Variants in ZBTB10 observed in about 807,000 individuals in gnomAD.
ZBTB10 encodes zinc finger and BTB domain-containing protein 10.
In ZBTB10, 32 loss-of-function variants were observed where a neutral mutation model predicts 76.4. The ratio of observed to expected loss-of-function variants is 0.42; its 90% confidence interval spans 0.32 to 0.56. The LOEUF (loss-of-function observed/expected upper bound fraction) is 0.56, where lower values mean the gene tolerates loss of function less well. Ranked by LOEUF, ZBTB10 falls within the 20% of genes least tolerant of loss-of-function variation. The pLI, the probability that ZBTB10 is intolerant of heterozygous loss-of-function variation, is 0.14. For missense variants in ZBTB10, 1,057 were observed against 1,098.5 expected (o/e 0.96, Z 0.53); for synonymous variants, 523 against 432.9 (o/e 1.21, Z -2.58).
Position 80,486,568 on chromosome 8 carries a change from G to C in ZBTB10, c.-243G>C. The C allele has an allele frequency of 1.0e-6, 1 of 986,694 alleles. No individual in the cohort carries two copies. The highest frequency in any genetic ancestry group is 1.2e-6 in the Non-Finnish European group (1 of 831,000). 61.1% of individuals were successfully genotyped at this position (986,694 alleles called of 1,614,324 possible). The stretch of plus-strand genomic sequence containing the variant: ...CTGCCCGGAGCGCGGCGGGGCGGGG[G>C]TGGAGGACGAGAGAGCGGTCGGAGG... On this transcript the variant is annotated 5_prime_UTR_variant, in exon 1 of 6. Coordinates refer to ENST00000455036, the MANE Select transcript of ZBTB10 (RefSeq NM_001105539.3).
intron 1 of ZBTB10, 47 bp from the exon 2 acceptor site, chr8:80,499,446 TA>T (rs747325087): frequency 4.0e-6 from 6 of 1,493,858 alleles, no homozygotes; most frequent in Admixed American, 2.3e-5. Context: ...TGGGAGTTTT[TA>T]AAAAAGTCAA....
chr8:80,513,412 G>A (rs576144057), intron 2 of ZBTB10, among the ~76,000 whole-genome samples: 2 of 152,186 alleles, frequency 1.3e-5, no homozygotes, highest in African/African-American at 4.8e-5. Flanking sequence ...TAAAGTGCTG[G>A]GATTATAGGC....
chr8:80,485,998 C>T, upstream of ZBTB10: 1 of 1,145,848 alleles, frequency 8.7e-7, no homozygotes, highest in South Asian at 1.6e-5. Flanking sequence ...CCCCAGCCCG[C>T]CGCCCGGCCT....
chr8:80,499,605 A>G lies in ZBTB10; in HGVS notation c.1084A>G (p.Ile362Val), dbSNP rs1815871166. Reference protein sequence around the residue: ...RQLNEQRKKGILCDVSIVVSG... With the variant: ...RQLNEQRKKGVLCDVSIVVSG... ...ACTAAATGAACAGAGAAAGAAAGGT[A>G]TTCTTTGTGATGTCAGCATTGTGGT... is the stretch of plus-strand genomic sequence containing the variant. Residue 362 changes from isoleucine to valine, a missense_variant, in exon 2 of 6, where the codon ATT becomes GTT. Physicochemically the swap from Ile to Val is conservative, Grantham distance 29 (BLOSUM62 3). This residue lies in a region of ZBTB10 where 86 missense variants were observed against 145.7 expected (regional missense o/e 0.59). Transcript: ENST00000455036. 7 of 1,613,980 alleles carry G rather than the reference A, an allele frequency of 4.3e-6. No homozygotes were observed. Among genetic ancestry groups the G allele is most frequent in the Non-Finnish European group, 5.9e-6 (7 of 1,179,858 alleles).
At chr8:80,506,171 A>G (rs1816047232) in intron 2 of ZBTB10, among the ~76,000 whole-genome samples, 1 of 152,126 alleles carries the variant, frequency 6.6e-6, no homozygotes, top group South Asian at 2.1e-4. Flanking sequence ...CTAATGGGAA[A>G]GAAGTAAAAT....
At chr8:80,517,538 G>A (rs915361507) in intron 3 of ZBTB10, among the ~76,000 whole-genome samples, 3 of 152,166 alleles carry the variant, frequency 2.0e-5, no homozygotes, top group Non-Finnish European at 4.4e-5. Context: ...AGGGAACCCT[G>A]AGAGCATTCA....
chr8:80,493,291 G>T (rs1017634097), intron 1 of ZBTB10, among the ~76,000 whole-genome samples: 6 of 151,640 alleles, frequency 4.0e-5, no homozygotes, highest in South Asian at 2.1e-4. Flanking sequence ...GGAGAGTTTG[G>T]TTGCTGTGCA....
chr8:80,498,034 G>A (rs754131851), intron 1 of ZBTB10, among the ~76,000 whole-genome samples: 7 of 152,080 alleles, frequency 4.6e-5, no homozygotes, highest in Non-Finnish European at 1.0e-4. Context: ...TTTTTAGATG[G>A]ACTGGGTTAG....
At position 80,487,837 on chromosome 8, in the gene ZBTB10, G is replaced by A. The variant is rs1815519052; in HGVS notation, c.972+55G>A. 1.9e-5 allele frequency: 28 copies of A among 1,501,756 alleles called. 1 individual carries two copies. In the South Asian group the frequency reaches 3.2e-4, roughly 17 times the overall value. 93.0% of individuals were successfully genotyped at this position (1,501,756 alleles called of 1,614,324 possible). A position where few individuals can be genotyped will look rare whatever the true frequency, so the allele number is the denominator to read the frequency against. On this transcript the variant is annotated intron_variant, in intron 1 of 5. Transcript: ENST00000455036. ...AGATCTTTTAGGGAAAGGTTTATCA[G>A]CACTCCCTTCACCCCCACCCACCCC...
chr8:80,495,107 G>T lies in ZBTB10; in HGVS notation c.973-4387G>T, dbSNP rs774910339. Among the ~76,000 whole-genome samples, 83 of 151,446 alleles carry T rather than the reference G, an allele frequency of 5.5e-4. 1 individual carries two copies. Among genetic ancestry groups the T allele is most frequent in the South Asian group, 1.9e-3 (9 of 4,794 alleles). On this transcript the variant is annotated intron_variant, in intron 1 of 5. Transcript: ENST00000455036. ...TAGCAATGGTTCTAATATTTGGGAGGGAGAAGGGGATTCAAATCTCTCTCT... is the reference window on the plus strand; with the variant it reads ...TAGCAATGGTTCTAATATTTGGGAGTGAGAAGGGGATTCAAATCTCTCTCT...
At position 80,487,523 on chromosome 8, in the gene ZBTB10, G is replaced by A; in HGVS notation, c.713G>A (p.Arg238Gln). 1 of 1,572,404 alleles carries A rather than the reference G, an allele frequency of 6.4e-7. No homozygotes were observed. Among genetic ancestry groups the A allele is most frequent in the Non-Finnish European group, 8.6e-7 (1 of 1,158,734 alleles). Residue 238 changes from arginine to glutamine, a missense_variant, in exon 1 of 6, where the codon CGG becomes CAG. Around this residue, in one of 5 missense-constraint regions of ZBTB10, gnomAD observed 556 missense variants for 451.7 expected, o/e 1.23. Coordinates refer to ENST00000455036, the MANE Select transcript of ZBTB10 (RefSeq NM_001105539.3). Reference sequence around the variant, plus strand: ...ACTGTCCAGCACTTCCCGCTCGCGCGGCCCAAGTCTCTAATGCAGAAGCTC... The same window carrying A: ...ACTGTCCAGCACTTCCCGCTCGCGCAGCCCAAGTCTCTAATGCAGAAGCTC... Reference protein sequence around the residue: ...GETVQHFPLARPKSLMQKLQC... With the variant: ...GETVQHFPLAQPKSLMQKLQC...
At position 80,525,393 on chromosome 8, in the gene ZBTB10, T is replaced by G. The variant is rs1330420033; in HGVS notation, c.*5865T>G. ...TACTGCCGCCTTACTGTCAGCCAGA[T>G]GATTTTTTCCCACCACGGCCAGTCT... On this transcript the variant is annotated 3_prime_UTR_variant, in exon 6 of 6. Coordinates refer to ENST00000455036, the MANE Select transcript of ZBTB10 (RefSeq NM_001105539.3). The G allele has an allele frequency of 6.6e-6, 1 of 152,186 alleles. No homozygotes were observed. The highest frequency in any genetic ancestry group is 2.4e-5 in the African/African-American group (1 of 41,462). 9.4% of individuals were successfully genotyped at this position (152,186 alleles called of 1,614,324 possible). A position where few individuals can be genotyped will look rare whatever the true frequency, so the allele number is the denominator to read the frequency against.
chr8:80,502,402 A>AT lies in ZBTB10; in HGVS notation c.1861+2027dup, dbSNP rs111867359. ...AGGCACATGCCACCACACCTGGCTA[A>AT]TTTTTTTATTATTACTAGAGACGGG... On this transcript the variant is annotated intron_variant, in intron 2 of 5. Transcript: ENST00000455036. Among the ~76,000 whole-genome samples the AT allele has an allele frequency of 1.1e-3, 167 of 152,078 alleles. 2 individuals are homozygous for AT. The South Asian group carries it at 0.014, about 13-fold the overall frequency.
intron 3 of ZBTB10, among the ~76,000 whole-genome samples, chr8:80,514,793 C>CA (rs1816286304): frequency 6.6e-6 from 1 of 152,202 alleles, no homozygotes; most frequent in African/African-American, 2.4e-5. Context: ...AAAAAGAGCA[C>CA]AAACCAAAAT....
chr8:80,514,186 G>A (rs183907097), intron 3 of ZBTB10, among the ~76,000 whole-genome samples, 178 bp downstream of exon 3: 10 of 152,170 alleles, frequency 6.6e-5, no homozygotes, highest in East Asian at 5.8e-4. Flanking sequence ...TGATGTTTCC[G>A]GTTTTGTATG....
At chr8:80,504,548 A>G (rs979125606) in intron 2 of ZBTB10, among the ~76,000 whole-genome samples, 2 of 152,052 alleles carry the variant, frequency 1.3e-5, no homozygotes, top group Non-Finnish European at 2.9e-5. Flanking sequence ...GACTCACTAC[A>G]GAGTCATATT....
At position 80,487,697 on chromosome 8, in the gene ZBTB10, C is replaced by T. The variant is rs764139896; in HGVS notation, c.887C>T (p.Ser296Leu). 1.9e-6 allele frequency: 3 copies of T among 1,613,900 alleles called. No individual in the cohort carries two copies. The highest frequency in any genetic ancestry group is 2.7e-5 in the African/African-American group (2 of 75,036). ...DLPPVGHDELSRGTRNYKKTL... is the reference protein window; with the variant it reads ...DLPPVGHDELLRGTRNYKKTL... ...CCCCCAGTGGGGCATGATGAGCTTTCGCGAGGGACCCGCAACTACAAGAAA... is the reference window on the plus strand; with the variant it reads ...CCCCCAGTGGGGCATGATGAGCTTTTGCGAGGGACCCGCAACTACAAGAAA... Residue 296 changes from serine (S) to leucine (L), a missense_variant, in exon 1 of 6, where the codon TCG becomes TTG. Coordinates refer to ENST00000455036, the MANE Select transcript of ZBTB10 (RefSeq NM_001105539.3).
intron 2 of ZBTB10, among the ~76,000 whole-genome samples, chr8:80,509,254 G>A (rs1005582365): frequency 1.3e-5 from 2 of 152,186 alleles, no homozygotes; most frequent in African/African-American, 2.4e-5. Context: ...AACTGTCACC[G>A]TAAGAGAAAC....
rs1459416100 is a variant in ZBTB10, at chr8:80,487,479, G to A, written c.669G>A (p.Val223=). 3.2e-6 allele frequency: 5 copies of A among 1,552,526 alleles called. No homozygotes were observed. Among genetic ancestry groups the A allele is most frequent in the Non-Finnish European group, 3.5e-6 (4 of 1,147,474 alleles). The part of the protein sequence containing the change: ...DGGDEVEGSG[V]GAGEGETVQH... ...GGGACGAAGTGGAGGGCAGCGGTGTGGGAGCTGGCGAAGGAGAGACTGTCC... is the reference window on the plus strand; with the variant it reads ...GGGACGAAGTGGAGGGCAGCGGTGTAGGAGCTGGCGAAGGAGAGACTGTCC... The change falls in exon 1 of 6, where the codon GTG becomes GTA. Residue 223 remains valine, a synonymous_variant. Transcript: ENST00000455036.
Sources: gnomAD v4.1 joint callset for allele counts (sites outside exome capture counted in the v4.1 genomes callset) on GRCh38, gnomAD v4.1.1 for gene constraint, gnomAD v4.1.1 regional missense constraint, MANE v1.5 for transcripts, NCBI Gene and HGNC (gene_info 2026-07-23, HGNC 2026-07-21) for gene names.